Variants in LRBA observed in about 807,000 individuals in gnomAD.
LRBA encodes the protein LPS responsive beige-like anchor protein.
LRBA carries 176 observed loss-of-function variants against 330.0 expected under a neutral mutation model. The ratio of observed to expected loss-of-function variants is 0.53; its 90% CI spans 0.47 to 0.60. The LOEUF (loss-of-function observed/expected upper bound fraction) is 0.60. Ranked by LOEUF, LRBA falls within the 20% of genes least tolerant of loss-of-function variation. The probability of loss-of-function intolerance (pLI) is 0.00; values close to 1 mark genes in which losing one functional copy is unlikely to be tolerated. For missense variants in LRBA, 3,259 were observed against 3,444.8 expected, an observed-to-expected ratio of 0.95 and a Z score of 1.35; for synonymous variants, 1,230 against 1,193.0, an observed-to-expected ratio of 1.03 and a Z score of -0.64.
intron 53 of LRBA, among the ~76,000 whole-genome samples, chr4:150,301,218 T>A (rs1729635353): frequency 6.6e-6 from 1 of 152,042 alleles, no homozygotes; most frequent in South Asian, 2.1e-4. Flanking sequence ...GAAAAGAACA[T>A]GGTACTTTTC....
chr4:150,343,040 C>T (rs868459488), intron 48 of LRBA, among the ~76,000 whole-genome samples: 33 of 121,054 alleles, frequency 2.7e-4, no homozygotes, highest in Middle Eastern at 4.1e-3. Context: ...AAAAGAGAGG[C>T]GTGGCCTGGA....
intron 28 of LRBA, 35 bp downstream of exon 28, chr4:150,844,065 T>G: frequency 1.5e-6 from 2 of 1,298,500 alleles, no homozygotes; most frequent in Non-Finnish European, 2.2e-6. Flanking sequence ...TATGCATCAG[T>G]TAAGAGAGTA....
chr4:150,760,131 C>G (rs1734873318), intron 35 of LRBA, among the ~76,000 whole-genome samples: 1 of 152,134 alleles, frequency 6.6e-6, no homozygotes, highest in Non-Finnish European at 1.5e-5. Flanking sequence ...CCAGTCACCT[C>G]TTTTTCCATA....
chr4:150,415,353 C>G, intron 47 of LRBA, 85 bp downstream of exon 47: 15 of 1,228,428 alleles, frequency 1.2e-5, no homozygotes, highest in Non-Finnish European at 1.7e-5. Flanking sequence ...TCCAGAAGAG[C>G]AAGGGTTAAT....
At chr4:150,400,536 G>T (rs1302147935) in intron 47 of LRBA, among the ~76,000 whole-genome samples, 1 of 152,086 alleles carries the variant, frequency 6.6e-6, no homozygotes. Flanking sequence ...AAAACAAGAG[G>T]ATATCATAAA....
intron 28 of LRBA, among the ~76,000 whole-genome samples, chr4:150,833,636 C>G (rs1747553121): frequency 6.6e-6 from 1 of 152,120 alleles, no homozygotes; most frequent in African/African-American, 2.4e-5. Flanking sequence ...CTTAAAAATG[C>G]TAACAATTAT....
intron 5 of LRBA, 28 bp from the exon 6 acceptor site, chr4:150,916,766 A>C: frequency 6.6e-7 from 1 of 1,507,120 alleles, no homozygotes. Context: ...TGAGTTATTA[A>C]CTCACGTGAA....
chr4:150,356,088 T>G (rs1414219181), intron 47 of LRBA, among the ~76,000 whole-genome samples: 1 of 152,056 alleles, frequency 6.6e-6, no homozygotes, highest in East Asian at 1.9e-4. Context: ...TCAGCCTAAT[T>G]AGAACTGTTT....
intron 46 of LRBA, among the ~76,000 whole-genome samples, chr4:150,430,455 C>G (rs1012923311): frequency 6.6e-6 from 1 of 152,150 alleles, no homozygotes; most frequent in Non-Finnish European, 1.5e-5. Context: ...CCTCTTCCTT[C>G]TCTTCATTTC....
At chr4:150,454,818 G>A (rs1753839193) in intron 44 of LRBA, among the ~76,000 whole-genome samples, 1 of 152,034 alleles carries the variant, frequency 6.6e-6, no homozygotes, top group South Asian at 2.1e-4. Flanking sequence ...CCGCTTACAA[G>A]TAATAACATG....
chr4:150,983,877 C>G (rs1741138473), intron 2 of LRBA, among the ~76,000 whole-genome samples: 1 of 152,030 alleles, frequency 6.6e-6, no homozygotes, highest in African/African-American at 2.4e-5. Flanking sequence ...TATGGTCATA[C>G]TCACCTTTCT....
At chr4:150,900,986 C>T (rs1390283886) in intron 13 of LRBA, among the ~76,000 whole-genome samples, 2 of 152,116 alleles carry the variant, frequency 1.3e-5, no homozygotes, top group Non-Finnish European at 2.9e-5. Context: ...TGCTACCCCA[C>T]CACTGCACAT....
At chr4:150,754,521 C>CAA (rs755838647) in intron 35 of LRBA, among the ~76,000 whole-genome samples, 1,652 of 85,876 alleles carry the variant, frequency 0.019, 46 homozygotes, top group African/African-American at 0.035. Context: ...CCTGTCTCAC[C>CAA]AAAAAAAAAA....
chr4:150,322,409 C>G (rs1732636786), intron 49 of LRBA, among the ~76,000 whole-genome samples: 1 of 152,128 alleles, frequency 6.6e-6, no homozygotes, highest in Non-Finnish European at 1.5e-5. Context: ...TCTCTCCTAC[C>G]ATGTCTGTTT....
chr4:150,440,411 G>C (rs1047656184), intron 44 of LRBA, among the ~76,000 whole-genome samples: 1 of 151,936 alleles, frequency 6.6e-6, no homozygotes, highest in African/African-American at 2.4e-5. Flanking sequence ...ATGAAAAATA[G>C]GTTTAAGTAA....
chr4:150,529,867 A>G (rs1425247751), intron 40 of LRBA, among the ~76,000 whole-genome samples: 1 of 152,220 alleles, frequency 6.6e-6, no homozygotes, highest in African/African-American at 2.4e-5. Flanking sequence ...CCATGTAGCC[A>G]TCACCTAGAC....
intron 47 of LRBA, among the ~76,000 whole-genome samples, chr4:150,378,503 G>A (rs1741699980): frequency 6.6e-6 from 1 of 152,146 alleles, no homozygotes; most frequent in Non-Finnish European, 1.5e-5. Context: ...GTAAATAAAT[G>A]TAAACTCTCC....
intron 55 of LRBA, among the ~76,000 whole-genome samples, chr4:150,281,198 T>C (rs939536202): frequency 6.6e-6 from 1 of 152,214 alleles, no homozygotes; most frequent in Admixed American, 6.5e-5. Context: ...TGACAGATTA[T>C]CCACATTATT....
intron 30 of LRBA, among the ~76,000 whole-genome samples, chr4:150,820,771 T>C (rs1033492115): frequency 1.2e-4 from 19 of 152,086 alleles, no homozygotes; most frequent in Non-Finnish European, 2.5e-4. Flanking sequence ...ATTATTACTA[T>C]AAAGTTTCAG....
Sources: gnomAD v4.1 joint callset for allele counts (sites outside exome capture counted in the v4.1 genomes callset) on GRCh38, gnomAD v4.1.1 for gene constraint, MANE v1.5 for transcripts, NCBI Gene and HGNC (gene_info 2026-07-23, HGNC 2026-07-21) for gene names.